Variants in BEST3 observed in about 807,000 individuals in gnomAD.
BEST3 encodes the protein bestrophin-3.
In BEST3, 50 loss-of-function variants were observed where a neutral mutation model predicts 47.1. The observed-to-expected ratio is 1.06, with a 90% CI of 0.85 to 1.34. The LOEUF is 1.34. Ranked by LOEUF, BEST3 falls within the 40% of genes most tolerant of loss-of-function variation. The pLI is 0.00. For synonymous variants in BEST3, 282 were observed against 298.8 expected, an observed-to-expected ratio of 0.94 and a Z score of 0.58; for missense variants, 765 against 817.0, an observed-to-expected ratio of 0.94 and a Z score of 0.78.
In BEST3 at chr12:69,678,863, A is replaced by G; in HGVS notation, c.512T>C (p.Phe171Ser). Residue 171 changes from phenylalanine (F) to serine (S), a missense_variant, in exon 5 of 10, where the codon TTC becomes TCC. By Grantham distance (155) the Phe-to-Ser change is radical. Transcript: ENST00000330891. ...CAGATGAGGAGACTTGAGGTGGTTG[A>G]ATAATTTCCTTTCATCTGTTGTCAT... ...GFMTTDERKL[F>S]NHLKSPHLKY... 6.2e-7 allele frequency: 1 copy of G among 1,614,026 alleles called. No homozygotes were observed. Among genetic ancestry groups the G allele is most frequent in the Non-Finnish European group, 8.5e-7 (1 of 1,179,886 alleles).
chr12:69,697,265 C>G (rs1389092690), intron 2 of BEST3, among the ~76,000 whole-genome samples: 3 of 152,144 alleles, frequency 2.0e-5, no homozygotes, highest in African/African-American at 7.2e-5. Flanking sequence ...TTGCTACAAG[C>G]TGTCAAATCA....
Position 69,671,286 on chromosome 12 carries a change from T to G in BEST3, c.1100+142A>C, listed in dbSNP as rs537555864. The G allele has an allele frequency of 2.4e-4, 198 of 820,804 alleles. No individual in the cohort carries two copies. In the African/African-American group the frequency reaches 3.2e-3, roughly 13 times the overall value. The allele number at this position is 820,804 out of a possible 1,614,324, so 50.8% of individuals were successfully genotyped here. On this transcript the variant is annotated intron_variant, in intron 9 of 9. Coordinates refer to ENST00000330891, the MANE Select transcript of BEST3 (RefSeq NM_032735.3). ...CTCAAGCAATCCTCCAACTGCAGCCTCCCCAAGTAGCTAGGACTACAGGTG... is the reference window on the plus strand; with the variant it reads ...CTCAAGCAATCCTCCAACTGCAGCCGCCCCAAGTAGCTAGGACTACAGGTG...
At chr12:69,667,757 C>T (rs1676487057) in intron 9 of BEST3, among the ~76,000 whole-genome samples, 1 of 152,174 alleles carries the variant, frequency 6.6e-6, no homozygotes, top group South Asian at 2.1e-4. Flanking sequence ...TTTTCTCCAC[C>T]TTACATCTGT....
At chr12:69,659,492 C>T (rs143641094) in intron 9 of BEST3, among the ~76,000 whole-genome samples, 7 of 152,118 alleles carry the variant, frequency 4.6e-5, no homozygotes, top group East Asian at 1.9e-4. Flanking sequence ...TAACTAGGAC[C>T]GTGGGCGTGC....
chr12:69,689,272 C>G, intron 4 of BEST3: 1 of 985,788 alleles, frequency 1.0e-6, no homozygotes, highest in Non-Finnish European at 1.2e-6. Flanking sequence ...AGTCAGCCCT[C>G]TCTGCTGGGG....
downstream of BEST3, among the ~76,000 whole-genome samples, chr12:69,649,143 G>A (rs1022909327): frequency 1.3e-5 from 2 of 152,256 alleles, no homozygotes; most frequent in South Asian, 2.1e-4. Flanking sequence ...ACACGTGTGC[G>A]CCACCACGCC....
At position 69,655,777 on chromosome 12, in the gene BEST3, CAGCCACTCCTCGTCAGGA is replaced by C; in HGVS notation, c.1119_1136del (p.Phe373_Trp378del). The C allele has an allele frequency of 1.2e-6, 2 of 1,612,382 alleles. No homozygotes were observed. The highest frequency in any genetic ancestry group is 1.7e-6 in the Non-Finnish European group (2 of 1,178,746). ...GATGGCCATGCTTCTCATAATCCCA[CAGCCACTCCTCGTCAGGA>C]AAGTCGGACCCAGACAGCCTGAAAC... On this transcript the variant is annotated inframe_deletion, in exon 10 of 10. Transcript: ENST00000330891.
chr12:69,663,736 G>A (rs922878852), intron 9 of BEST3, among the ~76,000 whole-genome samples: 14 of 152,096 alleles, frequency 9.2e-5, no homozygotes, highest in Admixed American at 6.6e-5. Flanking sequence ...CAGGAAGATC[G>A]CTTGAGCCTA....
Position 69,678,733 on chromosome 12 carries a change from A to C in BEST3, c.636+6T>G. On this transcript the variant is annotated splice_donor_region_variant and intron_variant, in intron 5 of 9. Transcript: ENST00000330891. ...GTATTTTTCTTATGATTTATGATAT[A>C]CTTACAGTCATCAATGATTGCAGAT... 1 of 1,613,270 alleles carries C rather than the reference A, an allele frequency of 6.2e-7. No homozygotes were observed. The highest frequency in any genetic ancestry group is 8.5e-7 in the Non-Finnish European group (1 of 1,179,500).
downstream of BEST3, among the ~76,000 whole-genome samples, chr12:69,649,121 AG>A (rs1883132540): frequency 6.6e-6 from 1 of 152,152 alleles, no homozygotes. Context: ...CAGCCTCCCA[AG>A]AGCTGGGATT....
downstream of BEST3, among the ~76,000 whole-genome samples, chr12:69,651,066 G>A (rs1010850453): frequency 1.3e-5 from 2 of 152,110 alleles, no homozygotes; most frequent in Non-Finnish European, 2.9e-5. Context: ...GGGCAACATA[G>A]CAGGACTTGT....
Position 69,693,737 on chromosome 12 carries a change from A to G in BEST3, c.418T>C (p.Phe140Leu). ...TACACAGCAGTGCTCACCGAGCGAA[A>G]GATGAGCAGGGAGGTGAGATTGACG... Reference protein sequence around the residue: ...RYVNLTSLLIFRSVSTAVYKR... With the variant: ...RYVNLTSLLILRSVSTAVYKR... The change falls in exon 4 of 10, where the codon TTT (phenylalanine) becomes CTT (leucine). Residue 140 changes from phenylalanine to leucine, a missense_variant. Physicochemically the swap from Phe to Leu is conservative, Grantham distance 22. Coordinates refer to ENST00000330891, the MANE Select transcript of BEST3 (RefSeq NM_032735.3). The G allele has an allele frequency of 6.2e-7, 1 of 1,614,186 alleles. No individual in the cohort carries two copies. Among genetic ancestry groups the G allele is most frequent in the Non-Finnish European group, 8.5e-7 (1 of 1,180,026 alleles).
At chr12:69,685,697 A>G (rs1236550939) in intron 4 of BEST3, among the ~76,000 whole-genome samples, 4 of 152,234 alleles carry the variant, frequency 2.6e-5, no homozygotes, top group East Asian at 1.9e-4. Context: ...TAAAATGTCA[A>G]TTTCTAGGTC....
chr12:69,671,598 T>G lies in BEST3; in HGVS notation c.949-19A>C. On this transcript the variant is annotated intron_variant, in intron 8 of 9. Coordinates refer to ENST00000330891, the MANE Select transcript of BEST3 (RefSeq NM_032735.3). ...GAGAGACCTAAAATCATTGTTATAT[T>G]GTTAGAATAACTCAGATGTAAATTA... 1.2e-6 allele frequency: 2 copies of G among 1,609,940 alleles called. No individual in the cohort carries two copies. Among genetic ancestry groups the G allele is most frequent in the Non-Finnish European group, 1.7e-6 (2 of 1,177,202 alleles).
chr12:69,676,125 C>T (rs1884902038), intron 7 of BEST3, among the ~76,000 whole-genome samples: 1 of 152,164 alleles, frequency 6.6e-6, no homozygotes, highest in Non-Finnish European at 1.5e-5. Flanking sequence ...GAAAATTCTA[C>T]ACAGATAGTT....
downstream of BEST3, among the ~76,000 whole-genome samples, chr12:69,653,324 G>T (rs1319935086): frequency 6.6e-6 from 1 of 152,210 alleles, no homozygotes; most frequent in Non-Finnish European, 1.5e-5. Context: ...AGTTGGGCAT[G>T]CCTCCCTTGG....
chr12:69,674,439 G>A (rs74102952), intron 7 of BEST3, among the ~76,000 whole-genome samples: 1,970 of 152,200 alleles, frequency 0.013, 39 homozygotes, highest in African/African-American at 0.044. Flanking sequence ...TTTCATATGT[G>A]GCTCTTATTT....
chr12:69,653,701 A>G lies in BEST3; in HGVS notation c.*1206T>C, dbSNP rs1443252472. On this transcript the variant is annotated 3_prime_UTR_variant, in exon 10 of 10. Coordinates refer to ENST00000330891, the MANE Select transcript of BEST3 (RefSeq NM_032735.3). ...GTGCAGCAGTCGTAAGGCATGGCCT[A>G]GGCACTTGGGAGCCCACGACAAACA... The G allele has an allele frequency of 1.0e-6, 1 of 985,280 alleles. No individual in the cohort carries two copies. Among genetic ancestry groups the G allele is most frequent in the Non-Finnish European group, 1.2e-6 (1 of 829,946 alleles). The allele number at this position is 985,280 out of a possible 1,614,324, so 61.0% of individuals were successfully genotyped here. A position where few individuals can be genotyped will look rare whatever the true frequency, so the allele number is the denominator to read the frequency against.
intron 4 of BEST3, among the ~76,000 whole-genome samples, chr12:69,689,910 G>A (rs537622097): frequency 2.0e-5 from 3 of 152,240 alleles, no homozygotes; most frequent in Non-Finnish European, 4.4e-5. Flanking sequence ...TATCAGTAAT[G>A]AGTTGGTGGT....
Sources: gnomAD v4.1 joint callset for allele counts (sites outside exome capture counted in the v4.1 genomes callset) on GRCh38, gnomAD v4.1.1 for gene constraint, MANE v1.5 for transcripts, NCBI Gene and HGNC (gene_info 2026-07-23, HGNC 2026-07-21) for gene names.